PHF14: variants seen among roughly 807,000 people sequenced by gnomAD.
PHF14 encodes the protein PHD finger protein 14.
Under a neutral mutation model 117.9 loss-of-function variants are expected in PHF14, and 55 were observed. That is an observed-to-expected ratio of 0.47 (90% CI 0.38 to 0.58). PHF14 has a LOEUF of 0.58. Ranked by LOEUF, PHF14 falls within the 20% of genes least tolerant of loss-of-function variation. PHF14 has a pLI of 0.00. For missense variants in PHF14, 978 were observed against 1,122.2 expected (o/e 0.87, Z 1.84); for synonymous variants, 409 against 368.6 (o/e 1.11, Z -1.26).
At chr7:11,075,178 A>G (rs1012290218) in intron 16 of PHF14, among the ~76,000 whole-genome samples, 8 of 152,114 alleles carry the variant, frequency 5.3e-5, no homozygotes, top group Admixed American at 1.3e-4. Flanking sequence ...AGCTCAGGCA[A>G]TCCTTCTGCC....
chr7:11,113,053 G>GT (rs759652104), intron 17 of PHF14, among the ~76,000 whole-genome samples: 1 of 151,892 alleles, frequency 6.6e-6, no homozygotes, highest in Admixed American at 6.6e-5. Context: ...TCTTTAATAA[G>GT]TTTTTTTAAG....
chr7:11,047,664 G>A (rs187524517), intron 13 of PHF14, among the ~76,000 whole-genome samples: 114 of 150,876 alleles, frequency 7.6e-4, no homozygotes, highest in African/African-American at 2.7e-3. Flanking sequence ...ATGGGGATTC[G>A]TAATCCCTGC....
chr7:11,047,289 C>T (rs944517671), intron 13 of PHF14, among the ~76,000 whole-genome samples: 9 of 151,846 alleles, frequency 5.9e-5, no homozygotes, highest in South Asian at 2.1e-4. Context: ...AGAATGGTCT[C>T]GATCTCCTGA....
chr7:11,059,089 T>C (rs921413025), intron 14 of PHF14, among the ~76,000 whole-genome samples: 2 of 152,146 alleles, frequency 1.3e-5, no homozygotes, highest in Non-Finnish European at 2.9e-5. Flanking sequence ...AAGAAATTTA[T>C]AAATATAGAG....
chr7:11,054,620 A>C (rs1784953452), intron 14 of PHF14, among the ~76,000 whole-genome samples: 1 of 152,036 alleles, frequency 6.6e-6, no homozygotes, highest in Admixed American at 6.6e-5. Context: ...ATGGTGAAAA[A>C]TGAGGTGTTC....
intron 13 of PHF14, among the ~76,000 whole-genome samples, chr7:11,049,924 AG>A (rs1784797472): frequency 6.6e-6 from 1 of 152,162 alleles, no homozygotes; most frequent in South Asian, 2.1e-4. Flanking sequence ...GATACATAAA[AG>A]TTTTCTGAGT....
chr7:11,000,484 C>A (rs748046852), intron 4 of PHF14, among the ~76,000 whole-genome samples: 3 of 151,864 alleles, frequency 2.0e-5, no homozygotes, highest in Non-Finnish European at 4.4e-5. Context: ...GGATTACAGG[C>A]ACACACCACT....
intron 4 of PHF14, chr7:11,006,451 A>G: frequency 1.9e-6 from 1 of 534,336 alleles, no homozygotes; most frequent in Non-Finnish European, 3.7e-6. Context: ...ATCAGGAGCC[A>G]GTCGAACATA....
At position 11,037,103 on chromosome 7, in the gene PHF14, A is replaced by G. The variant is rs1254982189; in HGVS notation, c.1980+12A>G. The G allele has an allele frequency of 2.0e-6, 3 of 1,474,636 alleles. No individual in the cohort carries two copies. The highest frequency in any genetic ancestry group is 2.7e-6 in the Non-Finnish European group (3 of 1,093,118). 91.3% of individuals were successfully genotyped at this position (1,474,636 alleles called of 1,614,324 possible). A position where few individuals can be genotyped will look rare whatever the true frequency, so the allele number is the denominator to read the frequency against. ...TAGAATATAATAAGGTAAGTTAGCT[A>G]CAAAATATGCAACATAATGTGATAG... On this transcript the variant is annotated intron_variant, in intron 10 of 17. Coordinates refer to ENST00000634607, the MANE Select transcript of PHF14 (RefSeq NM_001007157.2).
chr7:11,126,301 A>G (rs1212818984), intron 17 of PHF14, among the ~76,000 whole-genome samples: 1 of 152,054 alleles, frequency 6.6e-6, no homozygotes, highest in African/African-American at 2.4e-5. Flanking sequence ...CTTAATTATT[A>G]ATTTTTACCA....
intron 16 of PHF14, among the ~76,000 whole-genome samples, chr7:11,065,477 TTAA>T (rs1263798821): frequency 6.6e-6 from 1 of 152,126 alleles, no homozygotes; most frequent in African/African-American, 2.4e-5. Context: ...TTTTGCTGAA[TTAA>T]TAAAAACTGT....
chr7:11,114,484 T>A (rs1434400074), intron 17 of PHF14, among the ~76,000 whole-genome samples: 1 of 152,138 alleles, frequency 6.6e-6, no homozygotes, highest in East Asian at 1.9e-4. Context: ...TCATCATATC[T>A]GAATTCATAA....
chr7:11,000,514 T>C (rs1782827989), intron 4 of PHF14, among the ~76,000 whole-genome samples: 1 of 152,028 alleles, frequency 6.6e-6, no homozygotes, highest in African/African-American at 2.4e-5. Flanking sequence ...TAATTTTTTA[T>C]TTTTAGTAGA....
At chr7:11,079,818 C>G (rs976574324) in intron 16 of PHF14, among the ~76,000 whole-genome samples, 1 of 151,016 alleles carries the variant, frequency 6.6e-6, no homozygotes, top group Non-Finnish European at 1.5e-5. Context: ...ATTTTTTTTT[C>G]TTCATTGTCG....
chr7:11,091,612 G>A (rs140579548), intron 16 of PHF14, among the ~76,000 whole-genome samples: 58 of 152,102 alleles, frequency 3.8e-4, no homozygotes, highest in African/African-American at 1.3e-3. Context: ...AGAATTAGCC[G>A]AGTGTGGTGG....
At chr7:11,094,111 C>G in intron 16 of PHF14, among the ~76,000 whole-genome samples, 1 of 152,298 alleles carries the variant, frequency 6.6e-6, no homozygotes, top group East Asian at 1.9e-4. Flanking sequence ...TCCAGGTCTA[C>G]ACTGCCAACC....
intron 16 of PHF14, among the ~76,000 whole-genome samples, chr7:11,089,368 C>A (rs1033116679): frequency 2.6e-5 from 4 of 152,202 alleles, no homozygotes; most frequent in Non-Finnish European, 4.4e-5. Context: ...AAGCTTGGAT[C>A]GTATTTGAAC....
intron 13 of PHF14, among the ~76,000 whole-genome samples, chr7:11,044,584 A>T (rs369280793): frequency 2.4e-4 from 36 of 152,228 alleles, no homozygotes; most frequent in African/African-American, 8.7e-4. Context: ...CAAGATTCAG[A>T]GAATTGTTTT....
chr7:11,159,501 A>G (rs1481929360), intron 17 of PHF14, among the ~76,000 whole-genome samples: 1 of 152,114 alleles, frequency 6.6e-6, no homozygotes, highest in Non-Finnish European at 1.5e-5. Context: ...TATATTTAAT[A>G]CATATGAAAT....
Sources: gnomAD v4.1 joint callset for allele counts (sites outside exome capture counted in the v4.1 genomes callset) on GRCh38, gnomAD v4.1.1 for gene constraint, MANE v1.5 for transcripts, NCBI Gene and HGNC (gene_info 2026-07-23, HGNC 2026-07-21) for gene names.